TBC1D22A: variants seen among roughly 807,000 people sequenced by gnomAD.
The protein encoded by TBC1D22A is putative GTPase activator.
Under a neutral mutation model 60.2 loss-of-function variants are expected in TBC1D22A, and 38 were observed. The ratio of observed to expected loss-of-function variants is 0.63; its 90% confidence interval spans 0.49 to 0.83. The LOEUF is 0.83. Among genes scored for constraint, TBC1D22A ranks in the 40% least tolerant of loss-of-function variants. TBC1D22A has a pLI of 0.00. For synonymous variants in TBC1D22A, 302 were observed against 281.7 expected (o/e 1.07, Z -0.72); for missense variants, 628 against 701.0 (o/e 0.90, Z 1.18).
intron 8 of TBC1D22A, among the ~76,000 whole-genome samples, chr22:46,972,189 A>G (rs1246476513): frequency 1.3e-5 from 2 of 152,164 alleles, no homozygotes; most frequent in Admixed American, 6.5e-5. Flanking sequence ...GAACCCATCC[A>G]TTTCCCCATG....
Position 47,131,568 on chromosome 22 carries a change from C to G in TBC1D22A, c.1425+19965C>G, listed in dbSNP as rs942807618. Among the ~76,000 whole-genome samples, 920 of 152,362 alleles carry G rather than the reference C, an allele frequency of 6.0e-3. 12 individuals carry two copies. Among genetic ancestry groups the G allele is most frequent in the African/African-American group, 0.021 (882 of 41,576 alleles). On this transcript the variant is annotated intron_variant, in intron 12 of 12. Coordinates refer to ENST00000337137, the MANE Select transcript of TBC1D22A (RefSeq NM_014346.5). ...TGTGGGGGCAACAAGCCAGCTTCTA[C>G]CCCTGCTGCTGGAGCAAGAAGAGTA...
chr22:47,070,514 G>A (rs1437097553), intron 11 of TBC1D22A, among the ~76,000 whole-genome samples: 5 of 131,948 alleles, frequency 3.8e-5, no homozygotes, highest in African/African-American at 1.6e-4. Flanking sequence ...TGGTTGGAGC[G>A]GAGCTGACCT....
intron 4 of TBC1D22A, among the ~76,000 whole-genome samples, chr22:46,812,817 A>T (rs1406637439): frequency 6.6e-6 from 1 of 152,220 alleles, no homozygotes; most frequent in Non-Finnish European, 1.5e-5. Context: ...TAATCCTCGT[A>T]AGCTTAAATT....
chr22:46,969,163 C>T (rs184682198), intron 8 of TBC1D22A, among the ~76,000 whole-genome samples: 12 of 152,274 alleles, frequency 7.9e-5, no homozygotes, highest in Admixed American at 6.5e-4. Flanking sequence ...GGGTATTTAT[C>T]TGAGGAAGAG....
intron 11 of TBC1D22A, among the ~76,000 whole-genome samples, chr22:47,104,896 A>G (rs2147691590): frequency 6.6e-6 from 1 of 152,142 alleles, no homozygotes. Flanking sequence ...TCGCCTGGGA[A>G]CAACCCCCCG....
intron 8 of TBC1D22A, chr22:46,916,028 G>T: frequency 2.2e-6 from 1 of 451,580 alleles, no homozygotes; most frequent in Non-Finnish European, 4.4e-6. Flanking sequence ...TTTACCCGAG[G>T]ACAGATCATC....
chr22:46,930,011 C>T (rs2071264993), intron 8 of TBC1D22A, among the ~76,000 whole-genome samples: 1 of 152,056 alleles, frequency 6.6e-6, no homozygotes, highest in Non-Finnish European at 1.5e-5. Flanking sequence ...CTTGCAAGTC[C>T]CTGATGTACT....
chr22:46,943,862 C>T (rs551556182), intron 8 of TBC1D22A, among the ~76,000 whole-genome samples: 21 of 152,194 alleles, frequency 1.4e-4, no homozygotes, highest in South Asian at 1.0e-3. Flanking sequence ...TTTTGAGGTT[C>T]GCCGGTATTG....
At chr22:46,856,507 G>T (rs2087576608) in intron 4 of TBC1D22A, among the ~76,000 whole-genome samples, 1 of 152,190 alleles carries the variant, frequency 6.6e-6, no homozygotes, top group East Asian at 1.9e-4. Flanking sequence ...ACATGAAATA[G>T]CAGTAGCCTT....
rs375583744 is a variant in TBC1D22A, at chr22:47,114,240, AGGGTGTG to A, written c.1425+2664_1425+2670del. Among the ~76,000 whole-genome samples, 964 of 145,214 alleles carry A rather than the reference AGGGTGTG, an allele frequency of 6.6e-3. 11 individuals are homozygous for A. Among genetic ancestry groups the A allele is most frequent in the South Asian group, 0.021 (85 of 4,096 alleles). On this transcript the variant is annotated intron_variant, in intron 12 of 12. Transcript: ENST00000337137. ...AGGAGTCAGGCAAAGCCACACGGCC[AGGGTGTG>A]GGGTGTGGGGTGTGGGGTGTGGGGT...
At chr22:47,101,320 A>G (rs965770625) in intron 11 of TBC1D22A, among the ~76,000 whole-genome samples, 40 of 152,248 alleles carry the variant, frequency 2.6e-4, no homozygotes, top group Admixed American at 1.8e-3. Context: ...CTGCCCCCCA[A>G]ACCAGAGAAG....
chr22:46,818,793 G>A (rs2085706712), intron 4 of TBC1D22A, among the ~76,000 whole-genome samples: 1 of 152,186 alleles, frequency 6.6e-6, no homozygotes, highest in Non-Finnish European at 1.5e-5. Flanking sequence ...TAGTTTGATG[G>A]GAATAGCATT....
At chr22:46,961,525 T>A (rs1434707121) in intron 8 of TBC1D22A, among the ~76,000 whole-genome samples, 1 of 152,228 alleles carries the variant, frequency 6.6e-6, no homozygotes, top group African/African-American at 2.4e-5. Context: ...CTTCAGCAAA[T>A]GTTCATGTGG....
At chr22:46,936,424 G>A (rs939588847) in intron 8 of TBC1D22A, among the ~76,000 whole-genome samples, 3 of 152,276 alleles carry the variant, frequency 2.0e-5, no homozygotes, top group Admixed American at 6.5e-5. Flanking sequence ...GATTCCTCCA[G>A]AAGCAACTCA....
intron 4 of TBC1D22A, among the ~76,000 whole-genome samples, chr22:46,827,877 C>T (rs1319363910): frequency 1.3e-5 from 2 of 152,196 alleles, no homozygotes; most frequent in Admixed American, 6.5e-5. Context: ...GTCTCAACCA[C>T]GTGAGCAGCG....
At chr22:47,129,840 C>T (rs546173294) in intron 12 of TBC1D22A, among the ~76,000 whole-genome samples, 1 of 152,370 alleles carries the variant, frequency 6.6e-6, no homozygotes, top group Admixed American at 6.5e-5. Flanking sequence ...CGCCGCTCAG[C>T]CTTTCAGGTT....
chr22:46,868,657 G>A (rs1246038460), intron 4 of TBC1D22A, among the ~76,000 whole-genome samples: 1 of 152,100 alleles, frequency 6.6e-6, no homozygotes, highest in African/African-American at 2.4e-5. Flanking sequence ...TACTTGTCTT[G>A]ATATTTCTAA....
At chr22:46,808,478 T>C (rs1424307299) in intron 4 of TBC1D22A, among the ~76,000 whole-genome samples, 1 of 152,226 alleles carries the variant, frequency 6.6e-6, no homozygotes, top group East Asian at 1.9e-4. Context: ...CTTAAATCAG[T>C]TGCCAAGAAT....
intron 12 of TBC1D22A, among the ~76,000 whole-genome samples, chr22:47,169,045 G>A (rs866922529): frequency 4.6e-5 from 7 of 152,210 alleles, no homozygotes; most frequent in South Asian, 2.1e-4. Context: ...AGGAGTGAGC[G>A]GCATGGCGGC....
Sources: gnomAD v4.1 joint callset for allele counts (sites outside exome capture counted in the v4.1 genomes callset) on GRCh38, gnomAD v4.1.1 for gene constraint, MANE v1.5 for transcripts, NCBI Gene and HGNC (gene_info 2026-07-23, HGNC 2026-07-21) for gene names.